The following GNAO1 variants were observed in gnomAD, a reference collection of about 807,000 sequenced individuals.
GNAO1 encodes G protein subunit alpha o1, also known as guanine nucleotide-binding protein G(o) subunit alpha.
For missense variants in GNAO1, 166 were observed against 478.7 expected, an observed-to-expected ratio of 0.35 and a Z score of 6.10; for synonymous variants, 164 against 180.7, an observed-to-expected ratio of 0.91 and a Z score of 0.74.
rs2037629357 is a variant in GNAO1, at chr16:56,326,081, C to T, written c.304-2550C>T. On this transcript the variant is annotated intron_variant, in intron 3 of 8. Transcript: ENST00000262493. This position sits in a 1 kb window ranked among gnomAD's most constrained non-coding sequence, Gnocchi z 4.8. ...GGGCCTGGCATGGACTGGAAGCTGG[C>T]CTGGGCTCCACAGGACTCAGGGTCC... 6.6e-6 allele frequency among the ~76,000 whole-genome samples: 1 copy of T among 152,216 alleles called. No homozygotes were observed. The highest frequency in any genetic ancestry group is 1.5e-5 in the Non-Finnish European group (1 of 68,036).
At chr16:56,315,074 G>A (rs1261074300) in intron 3 of GNAO1, among the ~76,000 whole-genome samples, 1 of 152,198 alleles carries the variant, frequency 6.6e-6, no homozygotes, top group Non-Finnish European at 1.5e-5. Context: ...AGGATGAGGA[G>A]GCAAGAGGGA....
chr16:56,226,117 G>T (rs1384004480), intron 2 of GNAO1, among the ~76,000 whole-genome samples: 1 of 152,158 alleles, frequency 6.6e-6, no homozygotes, highest in Non-Finnish European at 1.5e-5. Flanking sequence ...TGGCTGCTGT[G>T]TGGAGGACGG....
chr16:56,333,527 G>T (rs572031672), intron 4 of GNAO1, among the ~76,000 whole-genome samples: 7 of 152,310 alleles, frequency 4.6e-5, no homozygotes, highest in Middle Eastern at 3.4e-3. Flanking sequence ...TCATTTTCTC[G>T]CAGTGTGACT....
chr16:56,221,180 T>G (rs2036483088), intron 2 of GNAO1, among the ~76,000 whole-genome samples: 1 of 152,212 alleles, frequency 6.6e-6, no homozygotes, highest in Non-Finnish European at 1.5e-5. Flanking sequence ...TGCCTCAACG[T>G]TGGACTCCCC....
chr16:56,310,051 C>CT (rs2037438921), intron 3 of GNAO1, among the ~76,000 whole-genome samples: 1 of 64,568 alleles, frequency 1.5e-5, no homozygotes, highest in Non-Finnish European at 5.4e-5. Context: ...GTGGCTTATA[C>CT]CTATAATCCA....
At chr16:56,288,405 G>A (rs1341309732) in intron 3 of GNAO1, among the ~76,000 whole-genome samples, 1 of 152,236 alleles carries the variant, frequency 6.6e-6, no homozygotes, top group Non-Finnish European at 1.5e-5. Flanking sequence ...ACCAGGATAG[G>A]AGGGTAAAAA....
chr16:56,254,959 T>A (rs1342563932), intron 2 of GNAO1, among the ~76,000 whole-genome samples: 1 of 152,240 alleles, frequency 6.6e-6, no homozygotes, highest in African/African-American at 2.4e-5. Context: ...GATGTTCCAT[T>A]CTCTCCCTGC....
At chr16:56,349,410 A>G (rs944333402) in intron 6 of GNAO1, among the ~76,000 whole-genome samples, 41 of 152,266 alleles carry the variant, frequency 2.7e-4, no homozygotes, top group African/African-American at 9.6e-4. Flanking sequence ...TGGCCTCATA[A>G]TGTGGCTCAA....
At chr16:56,235,021 G>C in intron 2 of GNAO1, 1 of 286,552 alleles carries the variant, frequency 3.5e-6, no homozygotes, top group Non-Finnish European at 6.8e-6. Context: ...AGCCCCTCGG[G>C]GAGTTTAAAT....
chr16:56,262,381 C>G (rs1355710281), intron 2 of GNAO1, among the ~76,000 whole-genome samples: 3 of 152,196 alleles, frequency 2.0e-5, no homozygotes, highest in Non-Finnish European at 4.4e-5. Context: ...AGGACAATGT[C>G]TTAGGTAACC....
At chr16:56,325,452 G>A (rs2037621811) in intron 3 of GNAO1, among the ~76,000 whole-genome samples, 1 of 152,078 alleles carries the variant, frequency 6.6e-6, no homozygotes, top group Non-Finnish European at 1.5e-5. Flanking sequence ...TTCCAGCCTG[G>A]GCAACAAGAG....
chr16:56,344,163 G>A (rs1567492998), intron 6 of GNAO1: 2 of 1,433,046 alleles, frequency 1.4e-6, no homozygotes, highest in Non-Finnish European at 1.8e-6. Flanking sequence ...CTGAGTGCAT[G>A]CTGCAAGGCC....
intron 5 of GNAO1, among the ~76,000 whole-genome samples, chr16:56,335,478 C>T (rs1414792225): frequency 6.6e-6 from 1 of 152,188 alleles, no homozygotes; most frequent in Non-Finnish European, 1.5e-5. Flanking sequence ...CTGAGGCCTG[C>T]TCCGTCCTGT....
intron 2 of GNAO1, among the ~76,000 whole-genome samples, chr16:56,238,181 A>C (rs2036659311): frequency 7.5e-6 from 1 of 133,598 alleles, no homozygotes; most frequent in African/African-American, 2.8e-5. Context: ...ATATCTAGCC[A>C]CAAGAGGAGG....
chr16:56,213,826 G>A (rs1365201814), intron 2 of GNAO1, among the ~76,000 whole-genome samples: 1 of 147,682 alleles, frequency 6.8e-6, no homozygotes, highest in Non-Finnish European at 1.5e-5. Flanking sequence ...TTATATGTCT[G>A]GAGTCACAAA....
Position 56,215,088 on chromosome 16 carries a change from T to C in GNAO1, c.161+22472T>C, listed in dbSNP as rs117267531. 9.9e-3 allele frequency among the ~76,000 whole-genome samples: 1,507 copies of C among 152,312 alleles called. 50 individuals carry two copies. The highest frequency in any genetic ancestry group is 0.07 in the South Asian group (339 of 4,828). On this transcript the variant is annotated intron_variant, in intron 2 of 8. Transcript: ENST00000262493. ...TGGCACCCACCACCTCCTGCCTCCA[T>C]ACCCATAGCTGGTGGCTGCCAAAGC...
At chr16:56,195,219 G>A (rs945470018) in intron 2 of GNAO1, among the ~76,000 whole-genome samples, 12 of 151,916 alleles carry the variant, frequency 7.9e-5, no homozygotes, top group Middle Eastern at 3.4e-3. Context: ...CTGTTCAAAA[G>A]GTCCATCACA....
At chr16:56,224,327 T>C (rs926985183) in intron 2 of GNAO1, among the ~76,000 whole-genome samples, 2 of 152,192 alleles carry the variant, frequency 1.3e-5, no homozygotes, top group Non-Finnish European at 2.9e-5. Context: ...GAAGCCTATC[T>C]GAAGCTTGTT....
intron 2 of GNAO1, among the ~76,000 whole-genome samples, chr16:56,197,133 T>TA (rs1275380737): frequency 6.6e-6 from 1 of 152,218 alleles, no homozygotes; most frequent in Non-Finnish European, 1.5e-5. Context: ...TGACAGGCAT[T>TA]AATGGAGGTG....
Sources: allele counts gnomAD v4.1 joint callset (sites outside exome capture counted in the v4.1 genomes callset), GRCh38; gene constraint gnomAD v4.1.1; non-coding constraint Gnocchi (gnomAD v3.1); transcripts MANE v1.5; gene names NCBI Gene and HGNC (gene_info 2026-07-23, HGNC 2026-07-21).